Variants in PLEKHA5 observed in about 807,000 individuals in gnomAD.
PLEKHA5 encodes the protein pleckstrin homology domain-containing family A member 5.
Under a neutral mutation model 181.9 loss-of-function variants are expected in PLEKHA5, and 55 were observed. The ratio of observed to expected loss-of-function variants is 0.30; its 90% CI spans 0.24 to 0.38. The LOEUF (loss-of-function observed/expected upper bound fraction) is 0.38. Ranked by LOEUF, PLEKHA5 falls within the 10% of genes least tolerant of loss-of-function variation. The probability of loss-of-function intolerance (pLI) is 1.00; values close to 1 mark genes in which losing one functional copy is unlikely to be tolerated. For missense variants in PLEKHA5, 1,432 were observed against 1,549.5 expected, an observed-to-expected ratio of 0.92 and a Z score of 1.27; for synonymous variants, 535 against 529.4, an observed-to-expected ratio of 1.01 and a Z score of -0.15.
At chr12:19,301,745 T>C (rs943382832) in intron 15 of PLEKHA5, among the ~76,000 whole-genome samples, 60 of 152,246 alleles carry the variant, frequency 3.9e-4, no homozygotes, top group African/African-American at 1.4e-3. Context: ...TATGATAATT[T>C]ATTCAAATTA....
At chr12:19,360,927 T>C (rs1158733047) in intron 28 of PLEKHA5, among the ~76,000 whole-genome samples, 1 of 151,984 alleles carries the variant, frequency 6.6e-6, no homozygotes, top group East Asian at 2.0e-4. Context: ...AGCTAATTTT[T>C]TGTGTTATTA....
rs1468164779 is a variant in PLEKHA5, at chr12:19,375,949, A to G, written c.*430A>G. 1 of 150,070 alleles carries G rather than the reference A, an allele frequency of 6.7e-6. No individual in the cohort carries two copies. The highest frequency in any genetic ancestry group is 1.5e-5 in the Non-Finnish European group (1 of 67,400). 9.3% of individuals were successfully genotyped at this position (150,070 alleles called of 1,614,324 possible). ...AGCTTGTTTTCTTTTTTTTCTTCCC[A>G]TTTTAGCTACTGCAGTGCTTTTGTT... On this transcript the variant is annotated 3_prime_UTR_variant, in exon 32 of 32. Transcript: ENST00000429027.
intron 3 of PLEKHA5, among the ~76,000 whole-genome samples, chr12:19,195,815 T>C (rs2052579256): frequency 6.6e-6 from 1 of 152,044 alleles, no homozygotes. Flanking sequence ...ATGTATATCA[T>C]AGATATCTTC....
chr12:19,341,880 C>G (rs1565639400), intron 21 of PLEKHA5, among the ~76,000 whole-genome samples: 1 of 151,974 alleles, frequency 6.6e-6, no homozygotes, highest in Non-Finnish European at 1.5e-5. Context: ...CACAGACATA[C>G]ACCACCCCGC....
chr12:19,337,050 C>T (rs1395154480), intron 21 of PLEKHA5, among the ~76,000 whole-genome samples: 5 of 140,640 alleles, frequency 3.6e-5, no homozygotes, highest in Non-Finnish European at 6.0e-5. Flanking sequence ...TGCAATGGCG[C>T]GATCTTGGCT....
chr12:19,261,497 C>T (rs1457433595), intron 7 of PLEKHA5, among the ~76,000 whole-genome samples: 1 of 152,058 alleles, frequency 6.6e-6, no homozygotes, highest in African/African-American at 2.4e-5. Context: ...TAGCTTTTCT[C>T]TGGTTAGTAA....
intron 3 of PLEKHA5, among the ~76,000 whole-genome samples, chr12:19,250,680 T>C (rs2065045036): frequency 6.6e-6 from 1 of 152,250 alleles, no homozygotes; most frequent in African/African-American, 2.4e-5. Context: ...AAATACTTTT[T>C]TTTATTCTCG....
chr12:19,260,028 T>C (rs2068000640), intron 6 of PLEKHA5, among the ~76,000 whole-genome samples: 1 of 152,076 alleles, frequency 6.6e-6, no homozygotes, highest in African/African-American at 2.4e-5. Flanking sequence ...ACATTGCATA[T>C]GGGAAAGTAA....
intron 3 of PLEKHA5, among the ~76,000 whole-genome samples, chr12:19,165,813 T>G (rs2044229086): frequency 6.6e-6 from 1 of 152,194 alleles, no homozygotes; most frequent in Non-Finnish European, 1.5e-5. Context: ...AATTTCATCA[T>G]AGTTACACAA....
intron 16 of PLEKHA5, among the ~76,000 whole-genome samples, chr12:19,318,365 A>G (rs1438726373): frequency 2.0e-5 from 3 of 152,184 alleles, no homozygotes; most frequent in Non-Finnish European, 4.4e-5. Flanking sequence ...AGTTGTAACT[A>G]CAGTAGACAT....
intron 3 of PLEKHA5, among the ~76,000 whole-genome samples, chr12:19,247,124 G>A (rs1263608631): frequency 1.5e-4 from 23 of 152,238 alleles, no homozygotes; most frequent in Non-Finnish European, 1.2e-4. Flanking sequence ...TAGCAATGTC[G>A]ACTCTACGAA....
chr12:19,148,143 G>A (rs1422182662), intron 3 of PLEKHA5, among the ~76,000 whole-genome samples: 4 of 152,116 alleles, frequency 2.6e-5, no homozygotes, highest in Non-Finnish European at 2.9e-5. Flanking sequence ...TGCAACCTCC[G>A]CCTCCCAGGT....
intron 13 of PLEKHA5, among the ~76,000 whole-genome samples, chr12:19,289,905 T>A (rs2078026615): frequency 6.6e-6 from 1 of 151,934 alleles, no homozygotes; most frequent in Non-Finnish European, 1.5e-5. Flanking sequence ...TGTGAAGATA[T>A]CCAAGTTTTA....
intron 20 of PLEKHA5, among the ~76,000 whole-genome samples, chr12:19,330,434 AAAT>A (rs2092726806): frequency 6.6e-6 from 1 of 152,140 alleles, no homozygotes; most frequent in African/African-American, 2.4e-5. Context: ...CTAAGTGAAA[AAAT>A]AATAATAAAA....
At chr12:19,320,801 C>T (rs1192888655) in intron 18 of PLEKHA5, 177 bp downstream of exon 18, 1 of 393,262 alleles carries the variant, frequency 2.5e-6, no homozygotes, top group African/African-American at 2.1e-5. Context: ...CGTCCCACTG[C>T]TCCCTATTGT....
chr12:19,246,339 T>G (rs1376629546), intron 3 of PLEKHA5, among the ~76,000 whole-genome samples: 2 of 151,848 alleles, frequency 1.3e-5, no homozygotes, highest in Admixed American at 1.3e-4. Flanking sequence ...TCTAGTACAT[T>G]TAAGGCTGGG....
chr12:19,334,835 TATATATATATA>T (rs2093239262), intron 20 of PLEKHA5, among the ~76,000 whole-genome samples: 2 of 22,020 alleles, frequency 9.1e-5, no homozygotes, highest in African/African-American at 2.1e-4. Context: ...AAAAAATATA[TATATATATATA>T]TATATATATA....
At chr12:19,227,398 T>C (rs934077532) in intron 3 of PLEKHA5, among the ~76,000 whole-genome samples, 3 of 152,084 alleles carry the variant, frequency 2.0e-5, no homozygotes, top group Non-Finnish European at 4.4e-5. Flanking sequence ...TGCCAGTAAT[T>C]GGTTTAAGCT....
chr12:19,190,552 T>C (rs1289963728), intron 3 of PLEKHA5, among the ~76,000 whole-genome samples: 3 of 152,208 alleles, frequency 2.0e-5, no homozygotes, highest in African/African-American at 4.8e-5. Flanking sequence ...GTAGGAAATA[T>C]AGTTATTGCT....
Sources: allele counts gnomAD v4.1 joint callset (sites outside exome capture counted in the v4.1 genomes callset), GRCh38; gene constraint gnomAD v4.1.1; transcripts MANE v1.5; gene names NCBI Gene and HGNC (gene_info 2026-07-23, HGNC 2026-07-21).